The following SGCZ variants were observed in gnomAD, a reference collection of about 807,000 sequenced individuals.
SGCZ encodes zeta-sarcoglycan.
Under a neutral mutation model 41.3 loss-of-function variants are expected in SGCZ, and 40 were observed. That is an observed-to-expected ratio of 0.97 (90% CI 0.75 to 1.26). The LOEUF (loss-of-function observed/expected upper bound fraction) is 1.26. Ranked by LOEUF, SGCZ falls within the 50% of genes most tolerant of loss-of-function variation. The probability of loss-of-function intolerance (pLI) is 0.00; values close to 1 mark genes in which losing one functional copy is unlikely to be tolerated. For missense variants in SGCZ, 552 were observed against 369.8 expected (o/e 1.49, Z -4.04); for synonymous variants, 206 against 137.5 (o/e 1.50, Z -3.49).
intron 1 of SGCZ, among the ~76,000 whole-genome samples, chr8:15,227,841 A>G (rs1434640310): frequency 6.6e-6 from 1 of 152,238 alleles, no homozygotes; most frequent in East Asian, 1.9e-4. Flanking sequence ...GAAAGCTGAG[A>G]CTGAGAAGAC....
At chr8:14,418,844 C>T (rs760378449) in intron 2 of SGCZ, among the ~76,000 whole-genome samples, 5 of 151,844 alleles carry the variant, frequency 3.3e-5, no homozygotes, top group East Asian at 1.9e-4. Context: ...ATAGATAAAA[C>T]CAGTCAACAG....
chr8:15,061,800 C>A, intron 1 of SGCZ, among the ~76,000 whole-genome samples: 1 of 152,116 alleles, frequency 6.6e-6, no homozygotes, highest in East Asian at 1.9e-4. Flanking sequence ...TTATAAACTA[C>A]CCAGTCTCAA....
In SGCZ at chr8:14,431,447, C is replaced by G. The variant is rs376918578; in HGVS notation, c.235-107243G>C. Among the ~76,000 whole-genome samples the G allele has an allele frequency of 8.5e-5, 12 of 141,476 alleles. No homozygotes were observed. The East Asian group carries it at 2.3e-3, about 27-fold the overall frequency. 92.8% of individuals were successfully genotyped at this position (141,476 alleles called of 152,430 possible). A position where few individuals can be genotyped will look rare whatever the true frequency, so the allele number is the denominator to read the frequency against. The stretch of plus-strand genomic sequence containing the variant: ...AAAGACATGAAGTGGGGAGAAGACA[C>G]CCTATTCAACAATTAGTGCTGGGAA... On this transcript the variant is annotated intron_variant, in intron 2 of 7. Coordinates refer to ENST00000382080, the MANE Select transcript of SGCZ (RefSeq NM_139167.4).
chr8:14,836,074 G>C (rs141675491), intron 1 of SGCZ, among the ~76,000 whole-genome samples: 33 of 152,044 alleles, frequency 2.2e-4, no homozygotes, highest in African/African-American at 7.7e-4. Context: ...CTTGATTAAC[G>C]TCATCTAGGG....
At chr8:15,138,960 T>C (rs1253898163) in intron 1 of SGCZ, among the ~76,000 whole-genome samples, 1 of 152,188 alleles carries the variant, frequency 6.6e-6, no homozygotes, top group Non-Finnish European at 1.5e-5. Context: ...TAATTTTGTA[T>C]CAGCTCTACA....
intron 5 of SGCZ, among the ~76,000 whole-genome samples, chr8:14,164,048 G>C (rs1804131612): frequency 1.3e-5 from 2 of 152,064 alleles, no homozygotes; most frequent in Middle Eastern, 6.8e-3. Context: ...ATTTCAGCTG[G>C]TGGTTGACTT....
In SGCZ at chr8:14,146,856, A is replaced by G. The variant is rs967560804; in HGVS notation, c.547+17724T>C. ...CACTGCACTCCAGCCTGGGCGACAG[A>G]GCGAGACTCCGTCTCAAAAAATAAA... On this transcript the variant is annotated intron_variant, in intron 5 of 7. Transcript: ENST00000382080. Among the ~76,000 whole-genome samples, 5 of 143,160 alleles carry G rather than the reference A, an allele frequency of 3.5e-5. 1 individual carries two copies. The highest frequency in any genetic ancestry group is 6.1e-5 in the Non-Finnish European group (4 of 66,076). The allele number at this position is 143,160 out of a possible 152,430, so 93.9% of individuals were successfully genotyped here. A position where few individuals can be genotyped will look rare whatever the true frequency, so the allele number is the denominator to read the frequency against.
chr8:14,123,304 G>T (rs1802756523), intron 5 of SGCZ, among the ~76,000 whole-genome samples: 1 of 152,026 alleles, frequency 6.6e-6, no homozygotes, highest in African/African-American at 2.4e-5. Flanking sequence ...TTATTCATTT[G>T]GTTTTACAGT....
intron 2 of SGCZ, among the ~76,000 whole-genome samples, chr8:14,368,850 T>C (rs565935714): frequency 2.0e-4 from 31 of 152,070 alleles, no homozygotes; most frequent in African/African-American, 7.2e-4. Context: ...AAGTTACATA[T>C]ACTTGTTGCA....
intron 4 of SGCZ, among the ~76,000 whole-genome samples, chr8:14,170,889 A>C (rs1804358706): frequency 6.6e-6 from 1 of 152,144 alleles, no homozygotes; most frequent in Non-Finnish European, 1.5e-5. Context: ...TGAATACTTA[A>C]GGAATGAAAG....
At chr8:14,379,665 A>G (rs1804285418) in intron 2 of SGCZ, among the ~76,000 whole-genome samples, 1 of 152,160 alleles carries the variant, frequency 6.6e-6, no homozygotes, top group African/African-American at 2.4e-5. Context: ...AAACACTATT[A>G]TAGATTTAAA....
chr8:14,841,837 T>C (rs1802927053), intron 1 of SGCZ, among the ~76,000 whole-genome samples: 1 of 152,192 alleles, frequency 6.6e-6, no homozygotes, highest in African/African-American at 2.4e-5. Context: ...GAAAAATTTT[T>C]CCCTATCACA....
At chr8:14,750,454 A>G (rs1799464156) in intron 1 of SGCZ, among the ~76,000 whole-genome samples, 1 of 152,208 alleles carries the variant, frequency 6.6e-6, no homozygotes, top group African/African-American at 2.4e-5. Context: ...CTGCCTTAAT[A>G]GGTAGAAAAA....
chr8:14,960,217 A>G (rs1800918717), intron 1 of SGCZ, among the ~76,000 whole-genome samples: 1 of 152,126 alleles, frequency 6.6e-6, no homozygotes, highest in South Asian at 2.1e-4. Context: ...TTTTTCTGTA[A>G]AAGGCACTAC....
intron 2 of SGCZ, among the ~76,000 whole-genome samples, chr8:14,460,841 T>C (rs1193487398): frequency 1.3e-5 from 2 of 152,206 alleles, no homozygotes; most frequent in African/African-American, 2.4e-5. Context: ...GAGACAGTAT[T>C]GTTAATTATT....
chr8:14,596,352 C>G (rs870616), intron 1 of SGCZ, among the ~76,000 whole-genome samples: 129,833 of 152,022 alleles, frequency 0.85, 55,876 homozygotes, highest in Non-Finnish European at 0.9. Context: ...TGAAGGAAGA[C>G]ATGAATGACT....
chr8:14,712,076 C>G (rs1035054357), intron 1 of SGCZ, among the ~76,000 whole-genome samples: 2 of 152,192 alleles, frequency 1.3e-5, no homozygotes, highest in Non-Finnish European at 2.9e-5. Context: ...CAAGACCAGC[C>G]TGGCCAACAT....
At chr8:14,377,442 G>A (rs577272089) in intron 2 of SGCZ, among the ~76,000 whole-genome samples, 1 of 151,830 alleles carries the variant, frequency 6.6e-6, no homozygotes, top group Non-Finnish European at 1.5e-5. Flanking sequence ...AGCTATGTGA[G>A]TTATTTTATA....
At chr8:14,813,889 G>T (rs191157272) in intron 1 of SGCZ, among the ~76,000 whole-genome samples, 16 of 152,244 alleles carry the variant, frequency 1.1e-4, no homozygotes, top group African/African-American at 3.6e-4. Context: ...GGAGGCAGAG[G>T]TTGCAGTGAG....
Sources: allele counts gnomAD v4.1 joint callset (sites outside exome capture counted in the v4.1 genomes callset), GRCh38; gene constraint gnomAD v4.1.1; transcripts MANE v1.5; gene names NCBI Gene and HGNC (gene_info 2026-07-23, HGNC 2026-07-21).